The following CPS1 variants were observed in gnomAD, a reference collection of about 807,000 sequenced individuals.
CPS1 encodes carbamoyl-phosphate synthase [ammonia], mitochondrial.
CPS1 carries 109 observed loss-of-function variants against 174.6 expected under a neutral mutation model. That is an observed-to-expected ratio of 0.62 (90% CI 0.53 to 0.73). The LOEUF (loss-of-function observed/expected upper bound fraction) is 0.73, where lower values mean the gene tolerates loss of function less well. Ranked by LOEUF, CPS1 falls within the 30% of genes least tolerant of loss-of-function variation. CPS1 has a pLI of 0.00. For synonymous variants in CPS1, 637 were observed against 632.0 expected, an observed-to-expected ratio of 1.01 and a Z score of -0.12; for missense variants, 1,689 against 1,821.9, an observed-to-expected ratio of 0.93 and a Z score of 1.33.
chr2:210,499,045 C>T (rs1387866535), intron 1 of CPS1, among the ~76,000 whole-genome samples: 5 of 152,078 alleles, frequency 3.3e-5, no homozygotes, highest in Non-Finnish European at 5.9e-5. Flanking sequence ...CTGGGCTTCA[C>T]CACAGTCTCC....
intron 1 of CPS1, among the ~76,000 whole-genome samples, chr2:210,539,668 A>G (rs1696349963): frequency 6.6e-6 from 1 of 152,130 alleles, no homozygotes; most frequent in Admixed American, 6.5e-5. Context: ...GTATCCTCTG[A>G]GTCCTCCTTG....
At chr2:210,634,478 C>T (rs944450574) in intron 21 of CPS1, among the ~76,000 whole-genome samples, 3 of 152,132 alleles carry the variant, frequency 2.0e-5, no homozygotes, top group African/African-American at 7.2e-5. Context: ...ATTTCTCTCT[C>T]TCTCTCTTTT....
chr2:210,532,028 C>G (rs11892519), intron 1 of CPS1, among the ~76,000 whole-genome samples: 136 of 152,194 alleles, frequency 8.9e-4, no homozygotes, highest in African/African-American at 3.3e-3. Flanking sequence ...ACTGTTAACT[C>G]TGAAAATCAC....
intron 1 of CPS1, among the ~76,000 whole-genome samples, chr2:210,562,506 A>G (rs1295144013): frequency 2.0e-5 from 3 of 152,242 alleles, no homozygotes; most frequent in Admixed American, 6.5e-5. Flanking sequence ...TTCCAAGAAT[A>G]AAAGAATAAG....
In CPS1 at chr2:210,577,717, T is replaced by C. The variant is rs527810760; in HGVS notation, c.471+207T>C. The stretch of plus-strand genomic sequence containing the variant: ...GAGCACATATTTTCAGTTTATCCAC[T>C]AGGTGGCACTCATACATGCTTGGTA... On this transcript the variant is annotated intron_variant, in intron 4 of 37. Coordinates refer to ENST00000233072, the MANE Select transcript of CPS1 (RefSeq NM_001875.5). 1.9e-3 allele frequency among the ~76,000 whole-genome samples: 285 copies of C among 152,260 alleles called. 2 individuals are homozygous for C. Among genetic ancestry groups the C allele is most frequent in the African/African-American group, 6.4e-3 (268 of 41,564 alleles).
At chr2:210,592,044 A>G in intron 10 of CPS1, 75 bp downstream of exon 10, 1 of 1,462,064 alleles carries the variant, frequency 6.8e-7, no homozygotes, top group Non-Finnish European at 9.3e-7. Context: ...ATACATAAGC[A>G]TTGTATATAT....
At chr2:210,563,715 G>T (rs1697185635) in intron 1 of CPS1, among the ~76,000 whole-genome samples, 1 of 152,164 alleles carries the variant, frequency 6.6e-6, no homozygotes, top group South Asian at 2.1e-4. Context: ...ATGCAAAGGA[G>T]AACCTAACAA....
intron 1 of CPS1, among the ~76,000 whole-genome samples, chr2:210,573,009 AAGT>A (rs1356429592): frequency 1.3e-5 from 2 of 152,062 alleles, no homozygotes; most frequent in African/African-American, 2.4e-5. Flanking sequence ...AGCTAAAGTG[AAGT>A]ATTTCTGGCT....
At chr2:210,612,350 C>G in intron 20 of CPS1, 57 bp downstream of exon 20, 1 of 1,585,354 alleles carries the variant, frequency 6.3e-7, no homozygotes, top group South Asian at 1.1e-5. Flanking sequence ...TGTAGTCAGT[C>G]TGGACATTAA....
intron 1 of CPS1, among the ~76,000 whole-genome samples, chr2:210,518,399 T>G (rs987969545): frequency 6.6e-6 from 1 of 152,026 alleles, no homozygotes; most frequent in African/African-American, 2.4e-5. Context: ...GAATAAAGAC[T>G]ATATTTCCCA....
Position 210,608,519 on chromosome 2 carries a change from C to T in CPS1, c.2351C>T (p.Thr784Ile). ...PRWDLDRFHGTSSRIGSSMKS... is the reference protein window; with the variant it reads ...PRWDLDRFHGISSRIGSSMKS... ...TGGGATCTTGACCGTTTTCATGGAA[C>T]ATCTAGCCGAATTGGTAGCTCTATG... Residue 784 changes from threonine (T) to isoleucine (I), a missense_variant, in exon 19 of 38, where the codon ACA becomes ATA. Physicochemically the swap from Thr to Ile is moderately conservative, Grantham distance 89 (BLOSUM62 -1). Coordinates refer to ENST00000233072, the MANE Select transcript of CPS1 (RefSeq NM_001875.5). 6.2e-7 allele frequency: 1 copy of T among 1,612,182 alleles called. No homozygotes were observed. The highest frequency in any genetic ancestry group is 8.5e-7 in the Non-Finnish European group (1 of 1,178,728).
chr2:210,511,692 C>G (rs918233), intron 1 of CPS1, among the ~76,000 whole-genome samples: 1 of 151,754 alleles, frequency 6.6e-6, no homozygotes, highest in Admixed American at 6.6e-5. Flanking sequence ...GAGACAAGGA[C>G]GGTAATGGGG....
intron 1 of CPS1, among the ~76,000 whole-genome samples, chr2:210,522,013 G>T (rs972392920): frequency 2.0e-5 from 3 of 151,948 alleles, no homozygotes; most frequent in African/African-American, 7.2e-5. Context: ...TATAGACTAT[G>T]GCTAATTATT....
intron 1 of CPS1, among the ~76,000 whole-genome samples, chr2:210,539,493 C>T (rs1284256861): frequency 6.6e-6 from 1 of 152,046 alleles, no homozygotes; most frequent in African/African-American, 2.4e-5. Context: ...GTCTTGAGTC[C>T]AGTAATGCAG....
intron 1 of CPS1, among the ~76,000 whole-genome samples, chr2:210,491,325 T>G (rs1420239208): frequency 2.3e-5 from 3 of 131,372 alleles, no homozygotes; most frequent in South Asian, 5.2e-4. Flanking sequence ...TTTTTTTTTT[T>G]TTTTTTTTTT....
intron 1 of CPS1, among the ~76,000 whole-genome samples, chr2:210,500,421 G>A (rs1036815504): frequency 6.6e-6 from 1 of 152,164 alleles, no homozygotes; most frequent in South Asian, 2.1e-4. Flanking sequence ...TCTGCCTATA[G>A]GGCTATAAAA....
rs1171929602 is a variant in CPS1, at chr2:210,606,957, T to C, written c.2192+16T>C. ...AAGCCACTGGGTAAGACCAGAATAA[T>C]TGACCATGGGTTTGCAGATTCTTTT... On this transcript the variant is annotated intron_variant, in intron 18 of 37. Transcript: ENST00000233072. 1 of 1,605,798 alleles carries C rather than the reference T, an allele frequency of 6.2e-7. No homozygotes were observed. Among genetic ancestry groups the C allele is most frequent in the East Asian group, 2.2e-5 (1 of 44,598 alleles).
chr2:210,503,886 A>T (rs1396145173), intron 1 of CPS1, among the ~76,000 whole-genome samples: 1 of 151,672 alleles, frequency 6.6e-6, no homozygotes, highest in Non-Finnish European at 1.5e-5. Context: ...TAGTGTACAT[A>T]CAAGTAGGGG....
Position 210,576,048 on chromosome 2 carries a change from T to TC in CPS1, c.237-298_237-297insC, listed in dbSNP as rs1697697786. The stretch of plus-strand genomic sequence containing the variant: ...AAATAGAGCAGGGATATTTTAAAAA[T>TC]TAAGATGCTAGCAAGGGATTTTTAA... On this transcript the variant is annotated intron_variant, in intron 2 of 37. Transcript: ENST00000233072. Among the ~76,000 whole-genome samples, 4 of 151,932 alleles carry TC rather than the reference T, an allele frequency of 2.6e-5. No homozygotes were observed. The South Asian group carries it at 8.3e-4, about 32-fold the overall frequency.
Sources: allele counts gnomAD v4.1 joint callset (sites outside exome capture counted in the v4.1 genomes callset), GRCh38; gene constraint gnomAD v4.1.1; transcripts MANE v1.5; gene names NCBI Gene and HGNC (gene_info 2026-07-23, HGNC 2026-07-21).